Variants in TMEM132C observed in about 807,000 individuals in gnomAD.
TMEM132C encodes protein phosphatase 1, regulatory subunit 152.
Under a neutral mutation model 61.4 loss-of-function variants are expected in TMEM132C, and 29 were observed. The observed-to-expected ratio is 0.47, with a 90% CI of 0.35 to 0.64. TMEM132C has a LOEUF of 0.64. Ranked by LOEUF, TMEM132C falls within the 30% of genes least tolerant of loss-of-function variation. The pLI is 0.00. For synonymous variants in TMEM132C, 656 were observed against 633.1 expected, an observed-to-expected ratio of 1.04 and a Z score of -0.54; for missense variants, 1,408 against 1,476.9, an observed-to-expected ratio of 0.95 and a Z score of 0.76.
intron 3 of TMEM132C, among the ~76,000 whole-genome samples, chr12:128,595,002 C>T (rs1448295570): frequency 6.6e-6 from 1 of 152,204 alleles, no homozygotes; most frequent in East Asian, 1.9e-4. Flanking sequence ...TGACTGCATC[C>T]CTCACATCCG....
chr12:128,438,316 C>G (rs1869668510), intron 2 of TMEM132C, among the ~76,000 whole-genome samples: 1 of 152,086 alleles, frequency 6.6e-6, no homozygotes, highest in Non-Finnish European at 1.5e-5. Context: ...AGTGCTTGCT[C>G]TGTTAGTTAC....
chr12:128,304,071 T>C (rs1283860195), intron 1 of TMEM132C, among the ~76,000 whole-genome samples: 1 of 152,048 alleles, frequency 6.6e-6, no homozygotes, highest in Non-Finnish European at 1.5e-5. Flanking sequence ...CCAACCAAGT[T>C]TGGGGATGAT....
At chr12:128,320,423 G>T (rs1319542541) in intron 1 of TMEM132C, among the ~76,000 whole-genome samples, 2 of 151,998 alleles carry the variant, frequency 1.3e-5, no homozygotes, top group African/African-American at 4.8e-5. Flanking sequence ...CTATTATTTT[G>T]CTGATTTTTT....
chr12:128,300,396 T>A lies in TMEM132C; in HGVS notation c.85+32909T>A, dbSNP rs192797851. 3.3e-5 allele frequency among the ~76,000 whole-genome samples: 5 copies of A among 152,244 alleles called. No individual in the cohort carries two copies. In the East Asian group the frequency reaches 9.7e-4, roughly 29 times the overall value. On this transcript the variant is annotated intron_variant, in intron 1 of 8. Transcript: ENST00000435159. ...AAAGCAGAGTTCATGGTTTTTCTCA[T>A]TTGAAGGAGGCATTATGATGGGAGA... is the stretch of plus-strand genomic sequence containing the variant.
chr12:128,449,355 T>C (rs1870105212), intron 2 of TMEM132C, among the ~76,000 whole-genome samples: 2 of 152,100 alleles, frequency 1.3e-5, no homozygotes, highest in East Asian at 1.9e-4. Context: ...GAAATTACTT[T>C]CCTGGTCCCC....
At chr12:128,534,294 A>G (rs1013228413) in intron 2 of TMEM132C, among the ~76,000 whole-genome samples, 19 of 152,228 alleles carry the variant, frequency 1.2e-4, no homozygotes, top group African/African-American at 4.3e-4. Flanking sequence ...AGCCCCGTTC[A>G]GGTAACCCAG....
At chr12:128,296,735 G>A (rs1164737882) in intron 1 of TMEM132C, among the ~76,000 whole-genome samples, 1 of 152,072 alleles carries the variant, frequency 6.6e-6, no homozygotes, top group East Asian at 1.9e-4. Context: ...GAAGAAGATG[G>A]GGCAATAAAG....
chr12:128,282,604 A>C (rs916089312), intron 1 of TMEM132C, among the ~76,000 whole-genome samples: 2 of 152,242 alleles, frequency 1.3e-5, no homozygotes, highest in African/African-American at 4.8e-5. Context: ...GGATTACAGC[A>C]GTTCCAGATG....
rs191808623 is a variant in TMEM132C at position 128,517,599 on chromosome 12, G to A, written c.975-26358G>A. Among the ~76,000 whole-genome samples, 692 of 152,306 alleles carry A rather than the reference G, an allele frequency of 4.5e-3. 5 individuals are homozygous for A. The highest frequency in any genetic ancestry group is 0.016 in the African/African-American group (662 of 41,558). On this transcript the variant is annotated intron_variant, in intron 2 of 8. Coordinates refer to ENST00000435159, the MANE Select transcript of TMEM132C (RefSeq NM_001136103.3). ...TATGATACAGCAAGTATAACAAAAT[G>A]CTAATTATAGACTCTAGGTGGTAGG...
rs796378451 is a variant in TMEM132C, at chr12:128,433,194, CA to C, written c.974+17584del. On this transcript the variant is annotated intron_variant, in intron 2 of 8. Transcript: ENST00000435159. ...CATAGCTTTTATATGCACTGGGAAA[CA>C]AAAAAAAAATGTTTGACTCACTTTA... 1.1e-3 allele frequency among the ~76,000 whole-genome samples: 162 copies of C among 147,510 alleles called. No homozygotes were observed. In the East Asian group the frequency reaches 0.012, roughly 11 times the overall value.
At chr12:128,612,125 C>T (rs193054305) in intron 3 of TMEM132C, among the ~76,000 whole-genome samples, 27 of 152,306 alleles carry the variant, frequency 1.8e-4, no homozygotes, top group African/African-American at 5.5e-4. Flanking sequence ...TGTGTCAGAA[C>T]GTTGAATCCT....
chr12:128,379,139 T>A (rs1045581836), intron 1 of TMEM132C, among the ~76,000 whole-genome samples: 2 of 152,320 alleles, frequency 1.3e-5, no homozygotes, highest in African/African-American at 4.8e-5. Flanking sequence ...CATGATGGAT[T>A]GGTTGTTCAT....
At chr12:128,514,090 C>T (rs4882768) in intron 2 of TMEM132C, among the ~76,000 whole-genome samples, 2,547 of 152,310 alleles carry the variant, frequency 0.017, 29 homozygotes, top group Non-Finnish European at 0.025. Flanking sequence ...GTCCAGCTCC[C>T]CGAGGAATCA....
chr12:128,481,569 TAGC>T (rs1871318221), intron 2 of TMEM132C, among the ~76,000 whole-genome samples: 1 of 152,228 alleles, frequency 6.6e-6, no homozygotes, highest in Non-Finnish European at 1.5e-5. Context: ...AGCTGAGGCC[TAGC>T]AGTGTGCAGT....
chr12:128,432,535 C>T (rs1040556048), intron 2 of TMEM132C, among the ~76,000 whole-genome samples: 3 of 152,166 alleles, frequency 2.0e-5, no homozygotes, highest in African/African-American at 7.2e-5. Flanking sequence ...GAGGAAGTAC[C>T]TCCAGATGTG....
At chr12:128,360,909 C>T (rs1483058858) in intron 1 of TMEM132C, among the ~76,000 whole-genome samples, 1 of 152,166 alleles carries the variant, frequency 6.6e-6, no homozygotes, top group East Asian at 1.9e-4. Flanking sequence ...TATTTGCTTG[C>T]AAGCTGAGAC....
chr12:128,272,349 T>C (rs1870551589), intron 1 of TMEM132C, among the ~76,000 whole-genome samples: 1 of 152,240 alleles, frequency 6.6e-6, no homozygotes, highest in Non-Finnish European at 1.5e-5. Flanking sequence ...TATGTATCAA[T>C]AGTTTGTTCC....
rs188205440 is a variant in TMEM132C at position 128,524,071 on chromosome 12, C to T, written c.975-19886C>T. ...CGTGGTGCATTTCTGAACCAATTTC[C>T]GTGGCCAGGGTGATGTGATTCTTTT... On this transcript the variant is annotated intron_variant, in intron 2 of 8. Transcript: ENST00000435159. Among the ~76,000 whole-genome samples, 17 of 151,816 alleles carry T rather than the reference C, an allele frequency of 1.1e-4. No individual in the cohort carries two copies. The East Asian group carries it at 2.5e-3, about 22-fold the overall frequency.
intron 4 of TMEM132C, among the ~76,000 whole-genome samples, chr12:128,650,795 T>C (rs924681053): frequency 6.6e-6 from 1 of 152,150 alleles, no homozygotes; most frequent in Admixed American, 6.5e-5. Context: ...TGGTCACTCA[T>C]AGGGCACCTG....
Sources: allele counts gnomAD v4.1 joint callset (sites outside exome capture counted in the v4.1 genomes callset), GRCh38; gene constraint gnomAD v4.1.1; transcripts MANE v1.5; gene names NCBI Gene and HGNC (gene_info 2026-07-23, HGNC 2026-07-21).